ZBBX: variants seen among roughly 807,000 people sequenced by gnomAD.
ZBBX encodes the protein zinc finger B-box domain containing.
ZBBX carries 101 observed loss-of-function variants against 108.5 expected under a neutral mutation model. The ratio of observed to expected loss-of-function variants is 0.93; its 90% CI spans 0.79 to 1.10. The LOEUF is 1.10. Ranked by LOEUF, ZBBX falls within the 50% of genes least tolerant of loss-of-function variation. ZBBX has a pLI of 0.00. For missense variants in ZBBX, 1,009 were observed against 941.4 expected (o/e 1.07, Z -0.94); for synonymous variants, 356 against 323.4 (o/e 1.10, Z -1.08).
At chr3:167,205,964 C>T in the ZBBX span, among the ~76,000 whole-genome samples, 1 of 152,072 alleles carries the variant, frequency 6.6e-6, no homozygotes, top group Admixed American at 6.6e-5. Context: ...ACTTAACGAT[C>T]AATCATCTAT....
At chr3:167,333,270 T>C (rs1738968124) in intron 10 of ZBBX, among the ~76,000 whole-genome samples, 1 of 152,016 alleles carries the variant, frequency 6.6e-6, no homozygotes, top group Admixed American at 6.6e-5. Flanking sequence ...GATTATAACA[T>C]AGATCAAAAT....
At chr3:167,210,024 A>C in the ZBBX span, among the ~76,000 whole-genome samples, 1 of 152,204 alleles carries the variant, frequency 6.6e-6, no homozygotes, top group African/African-American at 2.4e-5. Context: ...TAGGAAGTGG[A>C]GGTTGCAGTG....
chr3:167,219,631 T>C, the ZBBX span, among the ~76,000 whole-genome samples: 1 of 151,940 alleles, frequency 6.6e-6, no homozygotes, highest in South Asian at 2.1e-4. Context: ...AAGGCAGTAC[T>C]AACAGGAAAG....
chr3:167,191,934 T>TATAGAGAG, the ZBBX span, among the ~76,000 whole-genome samples: 23 of 130,218 alleles, frequency 1.8e-4, 1 homozygote, highest in African/African-American at 4.3e-4. Context: ...TATATATATA[T>TATAGAGAG]AGAGCAAGTT....
chr3:167,365,943 C>T lies in ZBBX; in HGVS notation c.216G>A (p.Val72=). ...SSEYYWKSGK[V]GKLVNQSYMM... ...TATATGATTGATTGACCAATTTGCC[C>T]ACTTTTCCAGATTTCCAGTAATACT... Residue 72 remains valine, a synonymous_variant, in exon 6 of 22, where the codon GTG becomes GTA. Transcript: ENST00000675490. 6.2e-7 allele frequency: 1 copy of T among 1,608,584 alleles called. No homozygotes were observed. Among genetic ancestry groups the T allele is most frequent in the Non-Finnish European group, 8.5e-7 (1 of 1,176,398 alleles).
rs1244849801 is a variant in ZBBX, at chr3:167,247,419, G to A, written c.2255-4776C>T. 4.6e-5 allele frequency among the ~76,000 whole-genome samples: 7 copies of A among 152,098 alleles called. No individual in the cohort carries two copies. In the South Asian group the frequency reaches 6.2e-4, roughly 14 times the overall value. On this transcript the variant is annotated intron_variant, in intron 20 of 21. Coordinates refer to ENST00000675490, the MANE Select transcript of ZBBX (RefSeq NM_001199201.2). ...TCTCCCTTCTCGCTTCCCCATCAGC[G>A]GAGAGCTACTTCCACTCAATAAAAC... is the stretch of plus-strand genomic sequence containing the variant.
At chr3:167,338,176 C>T (rs760352405) in intron 9 of ZBBX, among the ~76,000 whole-genome samples, 2 of 152,156 alleles carry the variant, frequency 1.3e-5, no homozygotes, top group Non-Finnish European at 2.9e-5. Flanking sequence ...CTTCACTACA[C>T]TGTATAATGG....
intron 10 of ZBBX, chr3:167,331,611 T>C: frequency 2.0e-6 from 2 of 985,406 alleles, no homozygotes; most frequent in Non-Finnish European, 2.4e-6. Flanking sequence ...TGGAGGGTTG[T>C]ACATTAGCTC....
chr3:167,370,105 A>C (rs969189456), intron 4 of ZBBX, among the ~76,000 whole-genome samples: 3 of 152,162 alleles, frequency 2.0e-5, no homozygotes, highest in Non-Finnish European at 4.4e-5. Flanking sequence ...AAGATCACTC[A>C]GGCTGTATCA....
intron 6 of ZBBX, among the ~76,000 whole-genome samples, chr3:167,365,334 A>G (rs879389099): frequency 6.6e-6 from 1 of 151,800 alleles, no homozygotes; most frequent in Non-Finnish European, 1.5e-5. Flanking sequence ...ATGTAAAGAC[A>G]CTTATCTGAT....
intron 2 of ZBBX, among the ~76,000 whole-genome samples, chr3:167,379,410 T>C (rs1747476656): frequency 6.6e-6 from 1 of 152,216 alleles, no homozygotes; most frequent in South Asian, 2.1e-4. Flanking sequence ...AAACAATTCA[T>C]TTGTAATACA....
At chr3:167,187,394 T>C in the ZBBX span, among the ~76,000 whole-genome samples, 1 of 152,140 alleles carries the variant, frequency 6.6e-6, no homozygotes, top group Non-Finnish European at 1.5e-5. Context: ...TGGTAGCCCA[T>C]CTGGAGTGCT....
At chr3:167,300,398 C>T (rs1163081118) in intron 17 of ZBBX, among the ~76,000 whole-genome samples, 4 of 152,032 alleles carry the variant, frequency 2.6e-5, no homozygotes, top group African/African-American at 9.7e-5. Flanking sequence ...ACAACAGTCA[C>T]TGGTTTTTGA....
At chr3:167,304,078 G>A (rs1304914701) in intron 17 of ZBBX, among the ~76,000 whole-genome samples, 1 of 152,014 alleles carries the variant, frequency 6.6e-6, no homozygotes, top group Non-Finnish European at 1.5e-5. Flanking sequence ...CTTCATAAAT[G>A]GAGCAGTCCA....
At chr3:167,234,192 T>C in the ZBBX span, among the ~76,000 whole-genome samples, 1 of 151,988 alleles carries the variant, frequency 6.6e-6, no homozygotes, top group East Asian at 1.9e-4. Context: ...TTCCTGGCTC[T>C]ACTGTACTAA....
chr3:167,181,355 G>T, the ZBBX span, among the ~76,000 whole-genome samples: 3 of 152,160 alleles, frequency 2.0e-5, no homozygotes, highest in Non-Finnish European at 4.4e-5. Flanking sequence ...ACAATTGGTT[G>T]AATGGTCCCA....
chr3:167,198,920 T>A, the ZBBX span, among the ~76,000 whole-genome samples: 1 of 152,292 alleles, frequency 6.6e-6, no homozygotes, highest in Admixed American at 6.5e-5. Context: ...ATTTAGCCTT[T>A]CTGGAAAGCA....
intron 11 of ZBBX, among the ~76,000 whole-genome samples, chr3:167,327,689 G>A (rs867137876): frequency 1.3e-5 from 2 of 152,050 alleles, no homozygotes; most frequent in Non-Finnish European, 2.9e-5. Context: ...GGGGAGGCAG[G>A]CAGGTCAGGA....
intron 20 of ZBBX, among the ~76,000 whole-genome samples, chr3:167,244,291 C>A (rs1204818731): frequency 6.6e-6 from 1 of 152,062 alleles, no homozygotes; most frequent in African/African-American, 2.4e-5. Context: ...AAAAGAAGAC[C>A]CAAGGCACCT....
Sources: gnomAD v4.1 joint callset for allele counts (sites outside exome capture counted in the v4.1 genomes callset) on GRCh38, gnomAD v4.1.1 for gene constraint, MANE v1.5 for transcripts, NCBI Gene and HGNC (gene_info 2026-07-23, HGNC 2026-07-21) for gene names.